The following PTCSC3 variants were observed in gnomAD, a reference collection of about 807,000 sequenced individuals.
The protein encoded by PTCSC3 is papillary thyroid carcinoma susceptibility candidate 3.
At chr14:36,143,870 T>C (rs61996565) in intron 3 of PTCSC3, among the ~76,000 whole-genome samples, 1 of 149,346 alleles carries the variant, frequency 6.7e-6, no homozygotes, top group Non-Finnish European at 1.5e-5. Context: ...TTCAGCTTTC[T>C]ACATATGGCT....
intron 3 of PTCSC3, among the ~76,000 whole-genome samples, chr14:36,143,844 A>G (rs1259345386): frequency 6.8e-6 from 1 of 146,836 alleles, no homozygotes; most frequent in Non-Finnish European, 1.5e-5. Context: ...TATAAGGTGT[A>G]AGGAAGGGAT....
At chr14:36,149,445 T>G (rs1881672116) in intron 3 of PTCSC3, among the ~76,000 whole-genome samples, 1 of 152,220 alleles carries the variant, frequency 6.6e-6, no homozygotes, top group Non-Finnish European at 1.5e-5. Context: ...ATAAGAATGT[T>G]TATTCTGCTG....
At chr14:36,142,515 C>T (rs1234104336) in intron 3 of PTCSC3, among the ~76,000 whole-genome samples, 1 of 152,120 alleles carries the variant, frequency 6.6e-6, no homozygotes, top group Non-Finnish European at 1.5e-5. Flanking sequence ...AGTAAGTGTT[C>T]CCTCTGCTTC....
At chr14:36,135,833 T>C (rs1202261596), downstream of PTCSC3, among the ~76,000 whole-genome samples, 1 of 152,014 alleles carries the variant, frequency 6.6e-6, no homozygotes, top group Non-Finnish European at 1.5e-5. Flanking sequence ...TATTAGTAGT[T>C]GTATTAGTCA....
chr14:36,135,006 G>T (rs1330048465), downstream of PTCSC3, among the ~76,000 whole-genome samples: 1 of 152,062 alleles, frequency 6.6e-6, no homozygotes, highest in Non-Finnish European at 1.5e-5. Flanking sequence ...ACCCAATTTT[G>T]GCCGCATGTG....
At chr14:36,176,339 A>G (rs1332587566) in exon 1 of PTCSC3, 1 of 151,564 alleles carries the variant, frequency 6.6e-6, no homozygotes, top group Non-Finnish European at 1.5e-5. Flanking sequence ...TCTTAAGCCT[A>G]ATTCCTCTTC....
intron 3 of PTCSC3, among the ~76,000 whole-genome samples, chr14:36,149,806 A>C (rs1045753506): frequency 6.6e-6 from 1 of 152,180 alleles, no homozygotes; most frequent in East Asian, 1.9e-4. Flanking sequence ...TTAATATGGT[A>C]CATCTTTCTC....
intron 1 of PTCSC3, among the ~76,000 whole-genome samples, chr14:36,173,007 T>C (rs1432232470): frequency 6.6e-6 from 1 of 152,122 alleles, no homozygotes; most frequent in African/African-American, 2.4e-5. Context: ...TCACCTATCT[T>C]TTTCTGCCAG....
At chr14:36,165,643 T>C (rs1270528003) in intron 1 of PTCSC3, among the ~76,000 whole-genome samples, 1 of 152,170 alleles carries the variant, frequency 6.6e-6, no homozygotes, top group East Asian at 1.9e-4. Context: ...CAATCACCTT[T>C]CCTTTAACTC....
intron 3 of PTCSC3, among the ~76,000 whole-genome samples, chr14:36,138,088 G>T (rs1881330296): frequency 6.6e-6 from 1 of 152,130 alleles, no homozygotes; most frequent in Non-Finnish European, 1.5e-5. Flanking sequence ...GGAAGAAGTG[G>T]CTGCTAAATT....
At chr14:36,173,617 T>C (rs1882228301) in intron 1 of PTCSC3, among the ~76,000 whole-genome samples, 1 of 152,134 alleles carries the variant, frequency 6.6e-6, no homozygotes, top group Admixed American at 6.6e-5. Flanking sequence ...TATAATGATA[T>C]CTATCTTCAG....
At chr14:36,158,314 G>T (rs544684963) in intron 2 of PTCSC3, among the ~76,000 whole-genome samples, 1 of 152,280 alleles carries the variant, frequency 6.6e-6, no homozygotes, top group South Asian at 2.1e-4. Flanking sequence ...GGGAGAGAGG[G>T]CATCCTTGTC....
chr14:36,176,521 G>A (rs1287553889), upstream of PTCSC3: 3 of 151,744 alleles, frequency 2.0e-5, no homozygotes, highest in African/African-American at 7.3e-5. Flanking sequence ...AGAAAAATGC[G>A]ATCCCCCTGG....
chr14:36,150,822 T>G (rs1881704554), intron 3 of PTCSC3, among the ~76,000 whole-genome samples: 1 of 152,212 alleles, frequency 6.6e-6, no homozygotes, highest in African/African-American at 2.4e-5. Flanking sequence ...CAATGTCTTC[T>G]CATTCCTTAT....
chr14:36,165,634 A>G (rs1212133777), intron 1 of PTCSC3, among the ~76,000 whole-genome samples: 2 of 152,128 alleles, frequency 1.3e-5, no homozygotes, highest in African/African-American at 4.8e-5. Context: ...TATTTTAACC[A>G]ATCACCTTTC....
At chr14:36,172,915 CTTG>C (rs1882214800) in intron 1 of PTCSC3, among the ~76,000 whole-genome samples, 1 of 151,600 alleles carries the variant, frequency 6.6e-6, no homozygotes, top group Non-Finnish European at 1.5e-5. Flanking sequence ...GTAATTGGCT[CTTG>C]TTAACATAAA....
chr14:36,139,288 T>C (rs1881367327), intron 3 of PTCSC3, among the ~76,000 whole-genome samples: 1 of 152,144 alleles, frequency 6.6e-6, no homozygotes, highest in Non-Finnish European at 1.5e-5. Flanking sequence ...AAACTGCTGA[T>C]ATGTGAAAGA....
At chr14:36,169,608 T>C (rs565267568) in intron 1 of PTCSC3, among the ~76,000 whole-genome samples, 6 of 152,198 alleles carry the variant, frequency 3.9e-5, no homozygotes, top group Non-Finnish European at 8.8e-5. Flanking sequence ...AGTTAATTTA[T>C]GTGTTGCAAT....
Position 36,161,866 on chromosome 14 carries a change from G to A in PTCSC3, n.231+758C>T, listed in dbSNP as rs78443954. Among the ~76,000 whole-genome samples the A allele has an allele frequency of 7.9e-3, 1,195 of 152,216 alleles. 16 individuals are homozygous for A. The highest frequency in any genetic ancestry group is 0.025 in the African/African-American group (1,019 of 41,540). On this transcript the variant is annotated intron_variant and non_coding_transcript_variant, in intron 2 of 3. Coordinates refer to ENST00000556013, the Ensembl canonical transcript of PTCSC3. ...GTGCCCTGTCCCAGGGTTATGAGCC[G>A]CTGATTTGGGCTGCTGCCTTTCTTT...
Sources: gnomAD v4.1 joint callset for allele counts (sites outside exome capture counted in the v4.1 genomes callset) on GRCh38, gnomAD v4.1.1 for gene constraint, MANE v1.5 for transcripts, NCBI Gene and HGNC (gene_info 2026-07-23, HGNC 2026-07-21) for gene names.